SH3BGRL2: variants seen among roughly 807,000 people sequenced by gnomAD.
SH3BGRL2 encodes the protein SH3 domain binding glutamate rich protein like 2.
In SH3BGRL2, 21 loss-of-function variants were observed where a neutral mutation model predicts 14.8. That is an observed-to-expected ratio of 1.42 (90% confidence interval 1.01 to 2.05). The LOEUF is 2.05. Among genes scored for constraint, SH3BGRL2 ranks in the 30% most tolerant of loss-of-function variants. The pLI, the probability that SH3BGRL2 is intolerant of heterozygous loss-of-function variation, is 0.00. For missense variants in SH3BGRL2, 147 were observed against 130.8 expected, an observed-to-expected ratio of 1.12 and a Z score of -0.61; for synonymous variants, 50 against 47.8, an observed-to-expected ratio of 1.05 and a Z score of -0.19.
chr6:79,575,528 G>A, the SH3BGRL2 span: 1 of 151,892 alleles, frequency 6.6e-6, no homozygotes, highest in Non-Finnish European at 1.5e-5. Context: ...ATTTTCCAAG[G>A]ACAGTCCTGG....
the SH3BGRL2 span, among the ~76,000 whole-genome samples, chr6:79,591,958 C>T: frequency 6.6e-6 from 1 of 152,092 alleles, no homozygotes; most frequent in Non-Finnish European, 1.5e-5. Flanking sequence ...AAACTCATGA[C>T]CTCATAGGTC....
At chr6:79,655,925 G>A (rs138347514) in intron 1 of SH3BGRL2, among the ~76,000 whole-genome samples, 1 of 152,326 alleles carries the variant, frequency 6.6e-6, no homozygotes, top group African/African-American at 2.4e-5. Context: ...ACCCAAGGGT[G>A]GAAAGCCACC....
chr6:79,663,285 A>G (rs1044612883), intron 1 of SH3BGRL2, among the ~76,000 whole-genome samples: 4 of 152,136 alleles, frequency 2.6e-5, no homozygotes, highest in African/African-American at 7.2e-5. Context: ...TTGTGGTTCT[A>G]TCTACCTTTG....
At chr6:79,581,025 A>T in the SH3BGRL2 span, among the ~76,000 whole-genome samples, 1 of 152,218 alleles carries the variant, frequency 6.6e-6, no homozygotes, top group African/African-American at 2.4e-5. Flanking sequence ...ACGCAAATAA[A>T]CTAGAAAATC....
At chr6:79,618,347 T>G in the SH3BGRL2 span, among the ~76,000 whole-genome samples, 5 of 152,312 alleles carry the variant, frequency 3.3e-5, no homozygotes, top group East Asian at 9.6e-4. Context: ...TTGACCCAAA[T>G]TTGGCTTCCT....
At chr6:79,610,476 C>A in the SH3BGRL2 span, among the ~76,000 whole-genome samples, 4 of 152,202 alleles carry the variant, frequency 2.6e-5, no homozygotes, top group Non-Finnish European at 5.9e-5. Flanking sequence ...CTGCTCTTAT[C>A]TTCATAAATG....
the SH3BGRL2 span, among the ~76,000 whole-genome samples, chr6:79,542,643 T>C: frequency 6.6e-6 from 1 of 152,058 alleles, no homozygotes; most frequent in African/African-American, 2.4e-5. Flanking sequence ...CTAGTTGGCT[T>C]ATCGGTAGGT....
the SH3BGRL2 span, among the ~76,000 whole-genome samples, chr6:79,550,812 A>C: frequency 6.6e-6 from 1 of 152,062 alleles, no homozygotes; most frequent in African/African-American, 2.4e-5. Flanking sequence ...CTTGTATTTC[A>C]GTGTCATGAT....
the SH3BGRL2 span, among the ~76,000 whole-genome samples, chr6:79,584,595 A>G: frequency 6.6e-6 from 1 of 152,168 alleles, no homozygotes; most frequent in Non-Finnish European, 1.5e-5. Context: ...AAAGATGTGT[A>G]GGTCCCAAGG....
At chr6:79,550,699 G>A in the SH3BGRL2 span, among the ~76,000 whole-genome samples, 1 of 152,092 alleles carries the variant, frequency 6.6e-6, no homozygotes, top group Non-Finnish European at 1.5e-5. Context: ...GTATGGTGTG[G>A]TTAGTGCAGA....
chr6:79,672,707 A>G (rs1469908328), intron 1 of SH3BGRL2, among the ~76,000 whole-genome samples: 1 of 152,026 alleles, frequency 6.6e-6, no homozygotes, highest in Admixed American at 6.6e-5. Flanking sequence ...GGATAAGGAG[A>G]GACTATTGTG....
At chr6:79,593,622 G>A in the SH3BGRL2 span, among the ~76,000 whole-genome samples, 6 of 152,016 alleles carry the variant, frequency 3.9e-5, no homozygotes, top group African/African-American at 1.5e-4. Context: ...CCTGGTGTGG[G>A]GAGGAAAAAA....
chr6:79,666,401 T>A (rs1207883861), intron 1 of SH3BGRL2, among the ~76,000 whole-genome samples: 1 of 152,210 alleles, frequency 6.6e-6, no homozygotes, highest in Non-Finnish European at 1.5e-5. Context: ...TTTTTAGACT[T>A]CACAGGGCAG....
the SH3BGRL2 span, among the ~76,000 whole-genome samples, chr6:79,565,399 CTA>C: frequency 2.0e-5 from 3 of 151,756 alleles, no homozygotes; most frequent in Non-Finnish European, 2.9e-5. Context: ...TTTGCAAATT[CTA>C]TGTTTTTTTA....
intron 1 of SH3BGRL2, among the ~76,000 whole-genome samples, chr6:79,649,287 A>G (rs1769232705): frequency 6.6e-6 from 1 of 152,218 alleles, no homozygotes; most frequent in African/African-American, 2.4e-5. Context: ...ATGGATAATC[A>G]TGAAGATTCT....
intron 1 of SH3BGRL2, among the ~76,000 whole-genome samples, chr6:79,646,504 G>A (rs1489713105): frequency 6.6e-6 from 1 of 152,192 alleles, no homozygotes; most frequent in East Asian, 1.9e-4. Context: ...GCTTCTCTGG[G>A]CTTCAGGTTT....
chr6:79,599,739 C>A, the SH3BGRL2 span, among the ~76,000 whole-genome samples: 6 of 152,098 alleles, frequency 3.9e-5, no homozygotes, highest in African/African-American at 1.4e-4. Context: ...TCAAAACTGC[C>A]CACAACAGGG....
At chr6:79,560,867 C>CTTTTTTTTTT in the SH3BGRL2 span, among the ~76,000 whole-genome samples, 6 of 45,744 alleles carry the variant, frequency 1.3e-4, 1 homozygote, top group Non-Finnish European at 1.9e-4. Flanking sequence ...ACAATACACT[C>CTTTTTTTTTT]TTTTTTTTTT....
At chr6:79,699,203 C>G (rs529308466) in intron 3 of SH3BGRL2, among the ~76,000 whole-genome samples, 1 of 152,160 alleles carries the variant, frequency 6.6e-6, no homozygotes, top group Non-Finnish European at 1.5e-5. Flanking sequence ...GGTAACCCCC[C>G]ACCCAGCCAT....
Sources: allele counts gnomAD v4.1 joint callset (sites outside exome capture counted in the v4.1 genomes callset), GRCh38; gene constraint gnomAD v4.1.1; transcripts MANE v1.5; gene names NCBI Gene and HGNC (gene_info 2026-07-23, HGNC 2026-07-21).